Variants in CLIC5 observed in about 807,000 individuals in gnomAD.
CLIC5 encodes CLIC family member 5.
CLIC5 carries 20 observed loss-of-function variants against 24.7 expected under a neutral mutation model. The observed-to-expected ratio is 0.81, with a 90% confidence interval of 0.57 to 1.18. The LOEUF (loss-of-function observed/expected upper bound fraction) is 1.18, where lower values mean the gene tolerates loss of function less well. CLIC5 is among the 50% of genes most tolerant of loss of function. The probability of loss-of-function intolerance (pLI) is 0.00; values close to 1 mark genes in which losing one functional copy is unlikely to be tolerated. For synonymous variants in CLIC5, 159 were observed against 135.6 expected, an observed-to-expected ratio of 1.17 and a Z score of -1.20; for missense variants, 341 against 326.1, an observed-to-expected ratio of 1.05 and a Z score of -0.35.
At chr6:45,922,513 A>C (rs1763303062) in intron 4 of CLIC5, among the ~76,000 whole-genome samples, 1 of 152,208 alleles carries the variant, frequency 6.6e-6, no homozygotes, top group Non-Finnish European at 1.5e-5. Flanking sequence ...GTACAACAAC[A>C]AAATGCATAT....
At chr6:45,945,773 C>G (rs1764271414) in intron 3 of CLIC5, among the ~76,000 whole-genome samples, 1 of 152,148 alleles carries the variant, frequency 6.6e-6, no homozygotes, top group Non-Finnish European at 1.5e-5. Flanking sequence ...AGGGTCAGAA[C>G]TTTCTTGTTT....
chr6:45,995,744 A>C (rs946101462), intron 1 of CLIC5, among the ~76,000 whole-genome samples: 3 of 152,230 alleles, frequency 2.0e-5, no homozygotes, highest in Non-Finnish European at 4.4e-5. Context: ...AGACTGGATA[A>C]AGAAATGTGG....
rs1369217365 is a variant in CLIC5 at position 45,898,856 on chromosome 6, A to G, written c.*4232T>C. The G allele has an allele frequency of 6.6e-6, 1 of 152,462 alleles. No homozygotes were observed. Among genetic ancestry groups the G allele is most frequent in the Non-Finnish European group, 1.5e-5 (1 of 68,034 alleles). The allele number at this position is 152,462 out of a possible 1,614,324, so 9.4% of individuals were successfully genotyped here. ...TATTGTGAAATCTCTAACTCTACAT[A>G]AAATACTTCAGATGACTGGATCCTT... is the stretch of plus-strand genomic sequence containing the variant. On this transcript the variant is annotated 3_prime_UTR_variant, in exon 6 of 6. Coordinates refer to ENST00000339561, the MANE Select transcript of CLIC5 (RefSeq NM_016929.5).
At chr6:45,945,993 C>G (rs1442721747) in intron 3 of CLIC5, among the ~76,000 whole-genome samples, 1 of 152,168 alleles carries the variant, frequency 6.6e-6, no homozygotes, top group South Asian at 2.1e-4. Flanking sequence ...GAGACAATAA[C>G]CAGCTCTGGA....
chr6:46,092,099 C>G, the CLIC5 span, among the ~76,000 whole-genome samples: 1 of 152,180 alleles, frequency 6.6e-6, no homozygotes. Flanking sequence ...GAAGAACATT[C>G]AATCTTCACA....
intron 1 of CLIC5, among the ~76,000 whole-genome samples, chr6:45,978,468 T>C (rs1439579344): frequency 6.6e-6 from 1 of 152,238 alleles, no homozygotes; most frequent in African/African-American, 2.4e-5. Context: ...TATTCAACAA[T>C]ATTTATTAAG....
chr6:45,894,699 A>ATAT (rs1219654946), downstream of CLIC5, among the ~76,000 whole-genome samples: 1 of 152,216 alleles, frequency 6.6e-6, no homozygotes, highest in Non-Finnish European at 1.5e-5. Flanking sequence ...GAAGGGAAGG[A>ATAT]TATTTACAGG....
intron 1 of CLIC5, among the ~76,000 whole-genome samples, chr6:46,015,041 T>C (rs1766947138): frequency 6.6e-6 from 1 of 152,248 alleles, no homozygotes; most frequent in Admixed American, 6.5e-5. Context: ...AATGTCATTT[T>C]CGCTTTGCCA....
At chr6:46,098,184 A>T in the CLIC5 span, among the ~76,000 whole-genome samples, 1 of 152,222 alleles carries the variant, frequency 6.6e-6, no homozygotes, top group African/African-American at 2.4e-5. Context: ...GTTTTACTTT[A>T]AAAAATATGC....
At chr6:46,050,537 C>T (rs1183202255) in intron 1 of CLIC5, among the ~76,000 whole-genome samples, 1 of 152,188 alleles carries the variant, frequency 6.6e-6, no homozygotes. Flanking sequence ...GGCAGAGTTA[C>T]TAACAGATGC....
chr6:46,013,183 T>G (rs553597737), intron 1 of CLIC5, among the ~76,000 whole-genome samples: 2 of 152,334 alleles, frequency 1.3e-5, no homozygotes, highest in South Asian at 4.1e-4. Flanking sequence ...GGACCCATCC[T>G]TCTTGGAAGT....
rs1010590673 is a variant in CLIC5 at position 46,015,742 on chromosome 6, G to A, written c.-200C>T. ...GTCCCAGATGCTCACATGAAAAGGA[G>A]CGAAGCCGGGAGGAGGCGGGGGGCC... On this transcript the variant is annotated 5_prime_UTR_variant, in exon 1 of 6. Coordinates refer to ENST00000339561, the MANE Select transcript of CLIC5 (RefSeq NM_016929.5). 1 of 1,239,386 alleles carries A rather than the reference G, an allele frequency of 8.1e-7. No individual in the cohort carries two copies. Among genetic ancestry groups the A allele is most frequent in the Non-Finnish European group, 1.0e-6 (1 of 991,668 alleles). The allele number at this position is 1,239,386 out of a possible 1,614,324, so 76.8% of individuals were successfully genotyped here. A position where few individuals can be genotyped will look rare whatever the true frequency, so the allele number is the denominator to read the frequency against.
chr6:45,934,185 C>G (rs12111063), intron 4 of CLIC5: 3 of 152,132 alleles, frequency 2.0e-5, no homozygotes, highest in African/African-American at 7.2e-5. Context: ...CTGTGTGGCG[C>G]ACGAAGGCCC....
At chr6:45,919,132 T>G in intron 4 of CLIC5, 1 of 982,654 alleles carries the variant, frequency 1.0e-6, no homozygotes, top group South Asian at 4.7e-5. Context: ...CCTAGTCTGA[T>G]GTAATCATCT....
chr6:46,080,315 C>A, exon 1 of CLIC5: 1 of 1,292,974 alleles, frequency 7.7e-7, no homozygotes, highest in Non-Finnish European at 1.1e-6. Flanking sequence ...ACAGAGGATG[C>A]TGCACCACCT....
chr6:45,993,812 A>G (rs1206116688), intron 1 of CLIC5, among the ~76,000 whole-genome samples: 1 of 152,224 alleles, frequency 6.6e-6, no homozygotes. Context: ...TGTGCCCAGT[A>G]CTATGTGTTG....
chr6:45,908,969 T>C (rs1056698975), intron 5 of CLIC5, among the ~76,000 whole-genome samples: 7 of 152,072 alleles, frequency 4.6e-5, no homozygotes, highest in African/African-American at 1.7e-4. Flanking sequence ...GTTGGGTGTG[T>C]ATATATTTAG....
chr6:45,953,463 AG>A (rs1561960000), intron 2 of CLIC5, among the ~76,000 whole-genome samples: 1 of 152,106 alleles, frequency 6.6e-6, no homozygotes, highest in Non-Finnish European at 1.5e-5. Context: ...GCCAGGGACA[AG>A]AAGGAAGAGA....
At chr6:45,908,276 T>A (rs1762716778) in intron 5 of CLIC5, among the ~76,000 whole-genome samples, 1 of 152,168 alleles carries the variant, frequency 6.6e-6, no homozygotes, top group African/African-American at 2.4e-5. Flanking sequence ...TTTCATTCAG[T>A]TCTGCTCTGA....
Sources: gnomAD v4.1 joint callset for allele counts (sites outside exome capture counted in the v4.1 genomes callset) on GRCh38, gnomAD v4.1.1 for gene constraint, MANE v1.5 for transcripts, NCBI Gene and HGNC (gene_info 2026-07-23, HGNC 2026-07-21) for gene names.